The following PRKD3 variants were observed in gnomAD, a reference collection of about 807,000 sequenced individuals.
PRKD3 encodes serine/threonine-protein kinase D3.
Under a neutral mutation model 99.2 loss-of-function variants are expected in PRKD3, and 47 were observed. That is an observed-to-expected ratio of 0.47 (90% CI 0.38 to 0.60). PRKD3 has a LOEUF of 0.60. Among genes scored for constraint, PRKD3 ranks in the 20% least tolerant of loss-of-function variants. The pLI is 0.00. For synonymous variants in PRKD3, 392 were observed against 355.4 expected (o/e 1.10, Z -1.16); for missense variants, 1,019 against 1,088.4 (o/e 0.94, Z 0.90).
intron 2 of PRKD3, among the ~76,000 whole-genome samples, chr2:37,309,594 A>G (rs1671326288): frequency 6.6e-6 from 1 of 152,218 alleles, no homozygotes; most frequent in African/African-American, 2.4e-5. Context: ...TCACACCTGT[A>G]ATCCCAGCAC....
At chr2:37,256,554 C>T (rs1437615724) in intron 17 of PRKD3, 108 bp downstream of exon 17, 1 of 1,322,452 alleles carries the variant, frequency 7.6e-7, no homozygotes, top group African/African-American at 1.5e-5. Context: ...GGGAGATGTA[C>T]TAAAAAGATA....
chr2:37,286,119 C>G, intron 6 of PRKD3, 58 bp downstream of exon 6: 1 of 1,323,364 alleles, frequency 7.6e-7, no homozygotes, highest in Non-Finnish European at 1.0e-6. Flanking sequence ...TATTTTAAGC[C>G]TATATATAAT....
chr2:37,263,871 A>AT (rs1217025900), intron 14 of PRKD3, among the ~76,000 whole-genome samples: 1 of 151,956 alleles, frequency 6.6e-6, no homozygotes, highest in Non-Finnish European at 1.5e-5. Flanking sequence ...TCTGTTAATC[A>AT]TTTTTCTTAT....
At chr2:37,285,597 A>G (rs1471109576) in intron 6 of PRKD3, among the ~76,000 whole-genome samples, 7 of 152,208 alleles carry the variant, frequency 4.6e-5, no homozygotes, top group Admixed American at 4.6e-4. Context: ...TGAAAAGAGG[A>G]AAGCGTTATT....
chr2:37,292,978 T>C, intron 3 of PRKD3, 155 bp downstream of exon 3: 1 of 872,098 alleles, frequency 1.1e-6, no homozygotes, highest in Non-Finnish European at 1.6e-6. Flanking sequence ...ATAACATGCC[T>C]GAAAGGAAAA....
At chr2:37,291,169 C>G (rs1325597099) in intron 3 of PRKD3, among the ~76,000 whole-genome samples, 170 bp from the exon 4 acceptor site, 2 of 152,300 alleles carry the variant, frequency 1.3e-5, no homozygotes, top group East Asian at 3.9e-4. Flanking sequence ...TCTAGTTTAG[C>G]AAGTCCATTT....
intron 6 of PRKD3, among the ~76,000 whole-genome samples, chr2:37,282,912 CT>C (rs1452614738): frequency 6.6e-6 from 1 of 152,148 alleles, no homozygotes; most frequent in Non-Finnish European, 1.5e-5. Flanking sequence ...GTTTCTCAAG[CT>C]GATTAAATTC....
chr2:37,286,421 G>T (rs751549786), intron 5 of PRKD3, 52 bp from the exon 6 acceptor site: 2 of 1,479,348 alleles, frequency 1.4e-6, no homozygotes, highest in South Asian at 2.4e-5. Context: ...AAACAGAGTA[G>T]TGGGAGCAGA....
chr2:37,323,813 T>G lies in PRKD3; in HGVS notation c.-656+868A>C, dbSNP rs188781597. Among the ~76,000 whole-genome samples, 13 of 152,324 alleles carry G rather than the reference T, an allele frequency of 8.5e-5. No individual in the cohort carries two copies. The East Asian group carries it at 2.5e-3, about 29-fold the overall frequency. On this transcript the variant is annotated intron_variant, in intron 1 of 18. Coordinates refer to ENST00000234179, the MANE Select transcript of PRKD3 (RefSeq NM_005813.6). Reference sequence around the variant, plus strand: ...CAGCAGTTCAGGGTGTAACTTATCCTTCCTAATCAAAGATGACACCGATAG... The same window carrying G: ...CAGCAGTTCAGGGTGTAACTTATCCGTCCTAATCAAAGATGACACCGATAG...
intron 2 of PRKD3, among the ~76,000 whole-genome samples, chr2:37,294,565 A>C (rs1274077786): frequency 2.7e-5 from 4 of 150,052 alleles, no homozygotes; most frequent in Non-Finnish European, 4.4e-5. Context: ...GTATTTGTAA[A>C]ACCTCATAGT....
At chr2:37,272,253 A>G in intron 12 of PRKD3, 127 bp downstream of exon 12, 1 of 1,406,832 alleles carries the variant, frequency 7.1e-7, no homozygotes, top group Non-Finnish European at 9.5e-7. Context: ...TCCTTAGGGA[A>G]GTTACCAACC....
chr2:37,305,135 GT>G (rs1216846727), intron 2 of PRKD3, among the ~76,000 whole-genome samples: 2 of 151,734 alleles, frequency 1.3e-5, no homozygotes, highest in Non-Finnish European at 2.9e-5. Context: ...TGACAACTGG[GT>G]TTTTTTTGAC....
At chr2:37,314,359 T>C (rs1671570812) in intron 2 of PRKD3, among the ~76,000 whole-genome samples, 1 of 152,212 alleles carries the variant, frequency 6.6e-6, no homozygotes. Flanking sequence ...TGTATAATTA[T>C]CCTTTTTAAG....
chr2:37,313,908 C>CT (rs1671551231), intron 2 of PRKD3, among the ~76,000 whole-genome samples: 2 of 152,044 alleles, frequency 1.3e-5, no homozygotes, highest in Admixed American at 1.3e-4. Context: ...TAACTGTAAG[C>CT]CAAGGAACAT....
At chr2:37,258,454 G>A (rs919368694) in intron 16 of PRKD3, among the ~76,000 whole-genome samples, 1 of 152,204 alleles carries the variant, frequency 6.6e-6, no homozygotes, top group Admixed American at 6.5e-5. Flanking sequence ...GTGGAGCCAT[G>A]GCTAACACTT....
chr2:37,293,100 A>G, intron 3 of PRKD3, 33 bp downstream of exon 3: 1 of 1,520,042 alleles, frequency 6.6e-7, no homozygotes, highest in Non-Finnish European at 9.0e-7. Context: ...TTTGAGGGGA[A>G]AAGGCAATCA....
At chr2:37,272,936 G>A (rs971132437) in intron 11 of PRKD3, among the ~76,000 whole-genome samples, 21 of 150,482 alleles carry the variant, frequency 1.4e-4, no homozygotes, top group African/African-American at 4.9e-4. Flanking sequence ...GTTATGATTT[G>A]CGCACTGCAC....
intron 14 of PRKD3, 47 bp downstream of exon 14, chr2:37,267,383 T>G: frequency 7.6e-7 from 1 of 1,322,158 alleles, no homozygotes; most frequent in Non-Finnish European, 1.1e-6. Flanking sequence ...TAATTCAGAT[T>G]CTTACCAGCC....
intron 12 of PRKD3, among the ~76,000 whole-genome samples, chr2:37,270,662 T>C (rs1396943846): frequency 2.6e-5 from 4 of 152,224 alleles, no homozygotes; most frequent in Admixed American, 6.5e-5. Flanking sequence ...GCCTCAGCCC[T>C]GCAGCAAAAG....
Sources: allele counts gnomAD v4.1 joint callset (sites outside exome capture counted in the v4.1 genomes callset), GRCh38; gene constraint gnomAD v4.1.1; transcripts MANE v1.5; gene names NCBI Gene and HGNC (gene_info 2026-07-23, HGNC 2026-07-21).